CEP120: variants seen among roughly 807,000 people sequenced by gnomAD.
CEP120 encodes centrosomal protein 120.
A neutral mutation model predicts 126.5 loss-of-function variants in CEP120; 113 were observed. That is an observed-to-expected ratio of 0.89 (90% CI 0.77 to 1.04). CEP120 has a LOEUF of 1.04. Among genes scored for constraint, CEP120 ranks in the 50% least tolerant of loss-of-function variants. The probability of loss-of-function intolerance (pLI) is 0.00; values close to 1 mark genes in which losing one functional copy is unlikely to be tolerated. For synonymous variants in CEP120, 400 were observed against 394.3 expected (o/e 1.01, Z -0.17); for missense variants, 1,230 against 1,155.7 (o/e 1.06, Z -0.93).
At chr5:123,417,296 CT>C (rs34768912) in intron 2 of CEP120, among the ~76,000 whole-genome samples, 34,318 of 151,810 alleles carry the variant, frequency 0.23, 3,904 homozygotes, top group East Asian at 0.32. Context: ...CCTTGCTTTC[CT>C]TTTTTTTAAC....
Position 123,399,272 on chromosome 5 carries a change from A to G in CEP120, c.476T>C (p.Leu159Pro), listed in dbSNP as rs748291278. The G allele has an allele frequency of 3.7e-6, 6 of 1,614,138 alleles. No homozygotes were observed. The South Asian group carries it at 6.6e-5, about 18-fold the overall frequency. ...AATGTCCCTGGGGTCAAGTCCAGCC[A>G]GGATGGCAGGTACTTTACAGAGAAA... ...PPRDGKVPAILAGLDPRDIVA... is the reference protein window; with the variant it reads ...PPRDGKVPAIPAGLDPRDIVA... Residue 159 changes from leucine (L) to proline (P), a missense_variant, in exon 5 of 20, where the codon CTG becomes CCG. By Grantham distance (98) the Leu-to-Pro change is moderately conservative. Transcript: ENST00000306467.
At chr5:123,396,576 A>G (rs1352534999) in intron 5 of CEP120, among the ~76,000 whole-genome samples, 1 of 152,234 alleles carries the variant, frequency 6.6e-6, no homozygotes, top group East Asian at 1.9e-4. Context: ...AGCTTCTCAC[A>G]AACAACATGG....
chr5:123,378,388 G>A lies in CEP120; in HGVS notation c.2144C>T (p.Thr715Ile). ...YTILEGKLQK[T>I]LIDLEKREQQ... ...CTCTCGCTTCTCCAAGTCAATTAGA[G>A]TTTTTTGAAGTTTTCCTTCTAGAAT... Residue 715 changes from threonine to isoleucine, a missense_variant, in exon 15 of 20, where the codon ACT (threonine) becomes ATT (isoleucine). Transcript: ENST00000306467. The A allele has an allele frequency of 6.3e-7, 1 of 1,581,624 alleles. No individual in the cohort carries two copies. The highest frequency in any genetic ancestry group is 8.6e-7 in the Non-Finnish European group (1 of 1,161,328).
chr5:123,353,678 AG>A (rs1769365091), intron 18 of CEP120, among the ~76,000 whole-genome samples: 1 of 151,896 alleles, frequency 6.6e-6, no homozygotes. Context: ...AATAGCTATA[AG>A]ACTATTTCTA....
At chr5:123,378,460 T>G in intron 14 of CEP120, 32 bp from the exon 15 acceptor site, 1 of 958,296 alleles carries the variant, frequency 1.0e-6, no homozygotes, top group Non-Finnish European at 1.5e-6. Context: ...AAAAAAAAAG[T>G]TACCTACCTT....
chr5:123,419,087 A>C (rs1774555126), intron 1 of CEP120, among the ~76,000 whole-genome samples: 1 of 152,200 alleles, frequency 6.6e-6, no homozygotes, highest in African/African-American at 2.4e-5. Context: ...GTTAAAATGT[A>C]GATTTTGACT....
chr5:123,400,764 G>C (rs1427738552), intron 4 of CEP120, among the ~76,000 whole-genome samples: 3 of 151,028 alleles, frequency 2.0e-5, no homozygotes, highest in Admixed American at 6.6e-5. Context: ...CAAAGGGGGG[G>C]TCCCCAGGCA....
At chr5:123,414,575 T>C (rs1057261649) in intron 3 of CEP120, among the ~76,000 whole-genome samples, 1 of 152,158 alleles carries the variant, frequency 6.6e-6, no homozygotes. Flanking sequence ...TTTAACTTTT[T>C]TCCCCCCTTA....
At chr5:123,401,108 A>G in intron 4 of CEP120, 1 of 1,598,422 alleles carries the variant, frequency 6.3e-7, no homozygotes, top group Non-Finnish European at 8.6e-7. Flanking sequence ...TGGTCTTCGT[A>G]TGAATACTCA....
intron 17 of CEP120, among the ~76,000 whole-genome samples, chr5:123,365,078 C>T (rs1235934814): frequency 6.6e-6 from 1 of 151,482 alleles, no homozygotes; most frequent in African/African-American, 2.4e-5. Context: ...TCATGAAACT[C>T]TGAAAACACT....
chr5:123,397,777 T>G (rs924867327), intron 5 of CEP120, among the ~76,000 whole-genome samples: 1 of 152,140 alleles, frequency 6.6e-6, no homozygotes, highest in Non-Finnish European at 1.5e-5. Flanking sequence ...ACGTGGACAT[T>G]TTGTTCCTCT....
Position 123,422,938 on chromosome 5 carries a change from C to G in CEP120, c.49+12G>C, listed in dbSNP as rs768805754. ...AGGCAGCAGTTGCAAAAGCAAGCCT[C>G]AGGCTGCTCACCTTCTAGGATGGAC... is the stretch of plus-strand genomic sequence containing the variant. On this transcript the variant is annotated intron_variant, in intron 1 of 19. Transcript: ENST00000306467. 4.3e-6 allele frequency: 7 copies of G among 1,613,878 alleles called. No individual in the cohort carries two copies. The East Asian group carries it at 1.3e-4, about 31-fold the overall frequency.
rs1473637452 is a variant in CEP120 at position 123,345,360 on chromosome 5, A to C, written c.*1159T>G. The stretch of plus-strand genomic sequence containing the variant: ...GAAATGACCGAAAATTAATGTTACC[A>C]TATATCCTACTCTGCTTTGATGGAA... On this transcript the variant is annotated 3_prime_UTR_variant, in exon 20 of 20. Transcript: ENST00000306467. 4 of 152,168 alleles carry C rather than the reference A, an allele frequency of 2.6e-5. No homozygotes were observed. The highest frequency in any genetic ancestry group is 2.6e-4 in the Admixed American group (4 of 15,258). The allele number at this position is 152,168 out of a possible 1,614,324, so 9.4% of individuals were successfully genotyped here.
At chr5:123,389,477 T>C (rs976273177) in intron 8 of CEP120, among the ~76,000 whole-genome samples, 2 of 152,150 alleles carry the variant, frequency 1.3e-5, no homozygotes, top group Non-Finnish European at 2.9e-5. Flanking sequence ...TGCATTGAAA[T>C]TTTTTATATT....
chr5:123,415,813 A>G (rs188890392), intron 3 of CEP120, among the ~76,000 whole-genome samples, 197 bp downstream of exon 3: 51 of 152,166 alleles, frequency 3.4e-4, no homozygotes, highest in South Asian at 8.3e-4. Flanking sequence ...CGGAGGTTGC[A>G]GTGAGCCAAG....
At chr5:123,359,543 T>G (rs561711268) in intron 18 of CEP120, among the ~76,000 whole-genome samples, 26 of 152,192 alleles carry the variant, frequency 1.7e-4, no homozygotes, top group African/African-American at 6.0e-4. Flanking sequence ...AATATTTCTA[T>G]AGTATATCTT....
chr5:123,376,941 A>G (rs1771268566), intron 16 of CEP120, among the ~76,000 whole-genome samples: 1 of 152,092 alleles, frequency 6.6e-6, no homozygotes, highest in Non-Finnish European at 1.5e-5. Context: ...AACAAGGGAG[A>G]GTGGTGATGT....
intron 16 of CEP120, among the ~76,000 whole-genome samples, chr5:123,374,606 A>G (rs1454426714): frequency 1.3e-5 from 2 of 152,124 alleles, no homozygotes; most frequent in Non-Finnish European, 2.9e-5. Flanking sequence ...TAAATCTGAA[A>G]TATTAATACT....
intron 2 of CEP120, among the ~76,000 whole-genome samples, chr5:123,417,212 A>G (rs886554094): frequency 6.6e-6 from 1 of 152,206 alleles, no homozygotes; most frequent in African/African-American, 2.4e-5. Context: ...TCCAACATTG[A>G]TATTCTCTAA....
Sources: gnomAD v4.1 joint callset for allele counts (sites outside exome capture counted in the v4.1 genomes callset) on GRCh38, gnomAD v4.1.1 for gene constraint, MANE v1.5 for transcripts, NCBI Gene and HGNC (gene_info 2026-07-23, HGNC 2026-07-21) for gene names.